The following PATJ variants were observed in gnomAD, a reference collection of about 807,000 sequenced individuals.
PATJ encodes the protein inaD-like protein.
Under a neutral mutation model 224.9 loss-of-function variants are expected in PATJ, and 190 were observed. That is an observed-to-expected ratio of 0.84 (90% confidence interval 0.75 to 0.95). The LOEUF is 0.95. Among genes scored for constraint, PATJ ranks in the 40% least tolerant of loss-of-function variants. The pLI, the probability that PATJ is intolerant of heterozygous loss-of-function variation, is 0.00. For synonymous variants in PATJ, 769 were observed against 820.3 expected, an observed-to-expected ratio of 0.94 and a Z score of 1.07; for missense variants, 2,121 against 2,270.3, an observed-to-expected ratio of 0.93 and a Z score of 1.34.
chr1:62,004,770 CAA>C (rs550995974), intron 28 of PATJ, among the ~76,000 whole-genome samples: 29 of 152,196 alleles, frequency 1.9e-4, no homozygotes, highest in South Asian at 1.0e-3. Context: ...TATAAAATGT[CAA>C]TATAGAAAAA....
At position 61,769,256 on chromosome 1, in the gene PATJ, C is replaced by CT. The variant is rs566258796; in HGVS notation, c.385-17dup. 7.4e-3 allele frequency: 9,174 copies of CT among 1,242,272 alleles called. 5 individuals are homozygous for CT. Among genetic ancestry groups the CT allele is most frequent in the African/African-American group, 0.019 (1,232 of 65,364 alleles). The allele number at this position is 1,242,272 out of a possible 1,614,324, so 77.0% of individuals were successfully genotyped here. ...ATGTTGGCTAAATGTACACCATTGA[C>CT]TTTTTTTTTTAACGCTCCTTCATTA... On this transcript the variant is annotated intron_variant, in intron 4 of 43. Coordinates refer to ENST00000642238, the MANE Select transcript of PATJ (RefSeq NM_001350145.3).
intron 32 of PATJ, among the ~76,000 whole-genome samples, chr1:62,081,220 A>G (rs1306232312): frequency 6.6e-6 from 1 of 152,232 alleles, no homozygotes; most frequent in Non-Finnish European, 1.5e-5. Context: ...CTTAGATGAC[A>G]GAAATTCAGC....
At chr1:61,814,547 T>TGTGTGTGCGCGCGCGCGC (rs370488022) in intron 14 of PATJ, among the ~76,000 whole-genome samples, 21 of 142,492 alleles carry the variant, frequency 1.5e-4, no homozygotes, top group African/African-American at 5.1e-4. Flanking sequence ...TGTGTGTGTG[T>TGTGTGTGCGCGCGCGCGC]GCGCGCGCGC....
chr1:61,903,349 A>C (rs1343254872), intron 24 of PATJ, among the ~76,000 whole-genome samples: 4 of 152,204 alleles, frequency 2.6e-5, no homozygotes, highest in African/African-American at 9.6e-5. Context: ...AGATAATTCA[A>C]AAGCTTTTCA....
chr1:61,807,374 G>C (rs1035074890), intron 13 of PATJ, among the ~76,000 whole-genome samples: 1 of 151,902 alleles, frequency 6.6e-6, no homozygotes, highest in East Asian at 1.9e-4. Flanking sequence ...ATGGTGTCTC[G>C]CTGTGTTGCC....
At chr1:62,029,779 CT>C (rs1007915549) in intron 29 of PATJ, among the ~76,000 whole-genome samples, 112 of 152,282 alleles carry the variant, frequency 7.4e-4, no homozygotes, top group African/African-American at 2.5e-3. Context: ...TAGGAAAGAA[CT>C]GAGTCCAAAT....
intron 21 of PATJ, among the ~76,000 whole-genome samples, chr1:61,881,404 G>GTTTTTT (rs1393409303): frequency 1.0e-5 from 1 of 99,540 alleles, no homozygotes; most frequent in African/African-American, 3.7e-5. Flanking sequence ...AGTTAAAACA[G>GTTTTTT]TTATTTTTTT....
intron 11 of PATJ, 129 bp from the exon 12 acceptor site, chr1:61,801,494 A>C (rs1207387504): frequency 4.0e-6 from 2 of 497,390 alleles, no homozygotes; most frequent in East Asian, 6.2e-5. Context: ...CCTCAGATTT[A>C]ATAAGGTTGT....
intron 29 of PATJ, among the ~76,000 whole-genome samples, chr1:62,032,490 A>G (rs1171717701): frequency 1.3e-5 from 2 of 152,220 alleles, no homozygotes; most frequent in South Asian, 2.1e-4. Context: ...GACTTATCAT[A>G]TAGTTTAATT....
chr1:62,155,778 C>A (rs1178555754), intron 43 of PATJ, among the ~76,000 whole-genome samples: 1 of 151,532 alleles, frequency 6.6e-6, no homozygotes, highest in East Asian at 1.9e-4. Flanking sequence ...ATATTCCAGG[C>A]CGGGTGCGGT....
rs189945042 is a variant in PATJ, at chr1:62,114,162, G to A, written c.4571G>A (p.Arg1524Gln). ...LVVYRDEAHY[R>Q]DEENLEIFPV... is the part of the protein sequence containing the mutation. ...GTGTATAGAGATGAGGCACACTACC[G>A]GGATGAGGAGAACTTGGAGATTTTC... The change falls in exon 35 of 44, where the codon CGG becomes CAG. Residue 1524 changes from arginine to glutamine, a missense_variant. Arg to Gln is a conservative substitution (Grantham distance 43). Transcript: ENST00000642238. 184 of 1,614,028 alleles carry A rather than the reference G, an allele frequency of 1.1e-4. No homozygotes were observed. Among genetic ancestry groups the A allele is most frequent in the African/African-American group, 7.1e-4 (53 of 75,016 alleles).
chr1:61,896,368 G>A (rs1670368174), intron 22 of PATJ, among the ~76,000 whole-genome samples: 4 of 151,546 alleles, frequency 2.6e-5, no homozygotes, highest in Admixed American at 2.0e-4. Flanking sequence ...CCTTTGTTTT[G>A]GCCAGTTTCT....
At chr1:62,096,903 C>T (rs1661460148) in intron 33 of PATJ, among the ~76,000 whole-genome samples, 1 of 152,180 alleles carries the variant, frequency 6.6e-6, no homozygotes, top group Non-Finnish European at 1.5e-5. Flanking sequence ...AGGCGTGAGC[C>T]ACTGCGCCCG....
chr1:61,820,224 T>A lies in PATJ; in HGVS notation c.1684-2721T>A, dbSNP rs184354709. 3.8e-3 allele frequency among the ~76,000 whole-genome samples: 573 copies of A among 152,004 alleles called. 5 individuals are homozygous for A. Among genetic ancestry groups the A allele is most frequent in the Non-Finnish European group, 5.6e-3 (378 of 68,004 alleles). ...GCTCAGCTAATTTTTATATTTTTAG[T>A]AGAGACAGGGTTTCAGTTGGCCAGG... On this transcript the variant is annotated intron_variant, in intron 14 of 43. Transcript: ENST00000642238.
chr1:61,822,156 G>A (rs929327410), intron 14 of PATJ, among the ~76,000 whole-genome samples: 1 of 152,194 alleles, frequency 6.6e-6, no homozygotes, highest in African/African-American at 2.4e-5. Context: ...CAGGGCTGAA[G>A]TTATGGAGAT....
rs182560497 is a variant in PATJ at position 62,142,828 on chromosome 1, G to C, written c.5272-5456G>C. Among the ~76,000 whole-genome samples, 507 of 152,320 alleles carry C rather than the reference G, an allele frequency of 3.3e-3. 2 individuals are homozygous for C. The highest frequency in any genetic ancestry group is 0.012 in the African/African-American group (481 of 41,578). ...TGGAATGTGGGGTGGAGTCGAGAGA[G>C]AGACAGGATTAGAGGAGTAGGCTAT... On this transcript the variant is annotated intron_variant, in intron 41 of 43. Transcript: ENST00000642238.
chr1:61,990,126 A>G, intron 27 of PATJ, 42 bp from the exon 28 acceptor site: 1 of 1,347,314 alleles, frequency 7.4e-7, no homozygotes, highest in Non-Finnish European at 1.0e-6. Flanking sequence ...AATAATACAG[A>G]TCAAGCTACT....
intron 31 of PATJ, among the ~76,000 whole-genome samples, chr1:62,068,084 C>T (rs562609790): frequency 7.9e-5 from 12 of 152,290 alleles, no homozygotes; most frequent in South Asian, 2.1e-4. Flanking sequence ...CGTGAGCCAC[C>T]GCGCCTGGCC....
intron 28 of PATJ, among the ~76,000 whole-genome samples, chr1:62,000,147 C>T (rs1645660134): frequency 6.6e-6 from 1 of 151,932 alleles, no homozygotes; most frequent in Non-Finnish European, 1.5e-5. Flanking sequence ...CCTCGGCCTC[C>T]CAACGTGCTG....
Sources: gnomAD v4.1 joint callset for allele counts (sites outside exome capture counted in the v4.1 genomes callset) on GRCh38, gnomAD v4.1.1 for gene constraint, MANE v1.5 for transcripts, NCBI Gene and HGNC (gene_info 2026-07-23, HGNC 2026-07-21) for gene names.